The following GPR107 variants were observed in gnomAD, a reference collection of about 807,000 sequenced individuals.
GPR107 encodes the protein protein GPR107.
A neutral mutation model predicts 75.5 loss-of-function variants in GPR107; 31 were observed. The ratio of observed to expected loss-of-function variants is 0.41; its 90% CI spans 0.31 to 0.55. GPR107 has a LOEUF of 0.55. Among genes scored for constraint, GPR107 ranks in the 20% least tolerant of loss-of-function variants. The probability of loss-of-function intolerance (pLI) is 0.26; values close to 1 mark genes in which losing one functional copy is unlikely to be tolerated. For synonymous variants in GPR107, 267 were observed against 251.3 expected (o/e 1.06, Z -0.59); for missense variants, 572 against 665.7 (o/e 0.86, Z 1.55).
intron 1 of GPR107, among the ~76,000 whole-genome samples, chr9:130,062,735 T>TA (rs1321121201): frequency 1.3e-5 from 2 of 151,346 alleles, no homozygotes; most frequent in Non-Finnish European, 2.9e-5. Flanking sequence ...TATTTTTTTT[T>TA]AAATAAGAGT....
At chr9:130,123,215 T>C (rs909574829) in intron 14 of GPR107, among the ~76,000 whole-genome samples, 1 of 152,096 alleles carries the variant, frequency 6.6e-6, no homozygotes, top group Non-Finnish European at 1.5e-5. Flanking sequence ...GCTAAATTTT[T>C]TTTTTTTGAA....
chr9:130,107,496 G>T lies in GPR107; in HGVS notation c.1263G>T (p.Trp421Cys). The T allele has an allele frequency of 6.3e-7, 1 of 1,575,760 alleles. No homozygotes were observed. Among genetic ancestry groups the T allele is most frequent in the Non-Finnish European group, 8.7e-7 (1 of 1,144,886 alleles). ...CCGAILFPVVWSIRHLQEASA... is the reference protein window; with the variant it reads ...CCGAILFPVVCSIRHLQEASA... ...TTGTTCTCTAAATGTTTATTTTTAG[G>T]TCAATCAGACATTTACAAGAAGCAT... Residue 421 changes from tryptophan (W) to cysteine (C), a missense_variant and splice_region_variant, in exon 14 of 18, where the codon TGG (tryptophan) becomes TGT (cysteine). Trp to Cys is a radical substitution (Grantham distance 215). Transcript: ENST00000347136.
intron 17 of GPR107, among the ~76,000 whole-genome samples, chr9:130,133,951 T>C (rs1429414125): frequency 3.3e-5 from 5 of 152,150 alleles, no homozygotes; most frequent in African/African-American, 9.7e-5. Context: ...GCATGCACTC[T>C]AGATGGGTCA....
At chr9:130,065,787 A>G in intron 1 of GPR107, among the ~76,000 whole-genome samples, 1 of 149,702 alleles carries the variant, frequency 6.7e-6, no homozygotes. Flanking sequence ...AAAAAAAAAA[A>G]AAGTGATGTT....
intron 14 of GPR107, among the ~76,000 whole-genome samples, chr9:130,109,884 T>C (rs1455346884): frequency 1.3e-5 from 2 of 152,246 alleles, no homozygotes; most frequent in Non-Finnish European, 2.9e-5. Flanking sequence ...TTTTCTTATT[T>C]TAATATATCG....
intron 1 of GPR107, among the ~76,000 whole-genome samples, chr9:130,062,013 T>C (rs1829937329): frequency 1.3e-5 from 2 of 152,002 alleles, no homozygotes; most frequent in Admixed American, 1.3e-4. Context: ...GTGAAAGAGA[T>C]TGATTGTTCG....
chr9:130,084,774 T>G (rs1206601912), intron 6 of GPR107, among the ~76,000 whole-genome samples: 5 of 134,992 alleles, frequency 3.7e-5, no homozygotes, highest in Non-Finnish European at 4.8e-5. Flanking sequence ...AGACCCTGTC[T>G]CAAAAAAAAA....
intron 15 of GPR107, among the ~76,000 whole-genome samples, chr9:130,125,244 G>A (rs1327814789): frequency 6.6e-6 from 1 of 151,906 alleles, no homozygotes; most frequent in Non-Finnish European, 1.5e-5. Flanking sequence ...ATTACACCCA[G>A]CTAATTTTTG....
intron 14 of GPR107, among the ~76,000 whole-genome samples, chr9:130,108,024 G>A (rs1027461574): frequency 6.6e-6 from 1 of 152,338 alleles, no homozygotes; most frequent in Non-Finnish European, 1.5e-5. Context: ...TATTGAAATG[G>A]TTGTGCCCTT....
intron 14 of GPR107, among the ~76,000 whole-genome samples, chr9:130,110,596 C>T (rs1831273491): frequency 6.6e-6 from 1 of 152,182 alleles, no homozygotes; most frequent in Admixed American, 6.5e-5. Flanking sequence ...CTGTGAGATG[C>T]TTTTGGGCAT....
intron 1 of GPR107, among the ~76,000 whole-genome samples, chr9:130,073,107 G>A (rs952772975): frequency 2.6e-5 from 4 of 152,082 alleles, no homozygotes; most frequent in African/African-American, 9.7e-5. Context: ...CTTCACCTCC[G>A]TCACCACAGA....
At chr9:130,088,579 C>G (rs1022298469) in intron 7 of GPR107, among the ~76,000 whole-genome samples, 1 of 152,218 alleles carries the variant, frequency 6.6e-6, no homozygotes, top group Non-Finnish European at 1.5e-5. Flanking sequence ...TTTATAGAGA[C>G]TAATGAACCA....
intron 6 of GPR107, among the ~76,000 whole-genome samples, 192 bp from the exon 7 acceptor site, chr9:130,086,228 C>T (rs138089514): frequency 1.3e-5 from 2 of 152,244 alleles, no homozygotes; most frequent in East Asian, 3.9e-4. Context: ...AGGTGAAGAA[C>T]AACTACCATT....
intron 1 of GPR107, among the ~76,000 whole-genome samples, chr9:130,062,647 TGCCTGCC>T (rs1829957963): frequency 1.3e-5 from 1 of 78,152 alleles, no homozygotes; most frequent in African/African-American, 4.7e-5. Flanking sequence ...CCTGCCTGCC[TGCCTGCC>T]TGCCTGCCTT....
At chr9:130,131,594 TC>T in intron 17 of GPR107, among the ~76,000 whole-genome samples, 1 of 151,316 alleles carries the variant, frequency 6.6e-6, no homozygotes, top group Admixed American at 6.6e-5. Context: ...GAATGCCAGG[TC>T]CCCCTGTCCT....
Position 130,083,486 on chromosome 9 carries a change from A to T in GPR107, c.527-79A>T, listed in dbSNP as rs7868687. 2,379 of 806,522 alleles carry T rather than the reference A, an allele frequency of 2.9e-3. 44 individuals are homozygous for T. The African/African-American group carries it at 0.038, about 13-fold the overall frequency. The allele number at this position is 806,522 out of a possible 1,614,324, so 50.0% of individuals were successfully genotyped here. A position where few individuals can be genotyped will look rare whatever the true frequency, so the allele number is the denominator to read the frequency against. On this transcript the variant is annotated intron_variant, in intron 5 of 17. Transcript: ENST00000347136. ...TTGATATTAGACAAGCTGAAGCCTC[A>T]TAAAATGATACTGTAATATATATAT...
intron 14 of GPR107, among the ~76,000 whole-genome samples, chr9:130,122,986 C>A (rs1450044349): frequency 1.3e-5 from 2 of 151,968 alleles, no homozygotes; most frequent in Non-Finnish European, 2.9e-5. Context: ...AGAGCAAGAC[C>A]TCTCTCAAAA....
chr9:130,092,908 C>T (rs528578276), intron 9 of GPR107, among the ~76,000 whole-genome samples: 24 of 152,244 alleles, frequency 1.6e-4, no homozygotes, highest in South Asian at 1.0e-3. Context: ...CATGAGCCAC[C>T]GTGCCTGGCC....
At chr9:130,102,829 G>T (rs757694061) in intron 12 of GPR107, among the ~76,000 whole-genome samples, 1 of 152,096 alleles carries the variant, frequency 6.6e-6, no homozygotes, top group Non-Finnish European at 1.5e-5. Flanking sequence ...TCTGTCGCCC[G>T]GGCTGGAGTA....
Sources: allele counts gnomAD v4.1 joint callset (sites outside exome capture counted in the v4.1 genomes callset), GRCh38; gene constraint gnomAD v4.1.1; transcripts MANE v1.5; gene names NCBI Gene and HGNC (gene_info 2026-07-23, HGNC 2026-07-21).